EPHA6: variants seen among roughly 807,000 people sequenced by gnomAD.
The protein encoded by EPHA6 is ephrin type-A receptor 6.
A neutral mutation model predicts 112.0 loss-of-function variants in EPHA6; 50 were observed. The observed-to-expected ratio is 0.45, with a 90% CI of 0.36 to 0.56. The LOEUF (loss-of-function observed/expected upper bound fraction) is 0.56, where lower values mean the gene tolerates loss of function less well. EPHA6 is among the 20% of genes least tolerant of loss of function. EPHA6 has a pLI of 0.00. For synonymous variants in EPHA6, 529 were observed against 490.7 expected (o/e 1.08, Z -1.03); for missense variants, 1,280 against 1,417.4 (o/e 0.90, Z 1.56).
intron 2 of EPHA6, among the ~76,000 whole-genome samples, chr3:96,935,738 A>G (rs540076884): frequency 1.4e-4 from 19 of 137,272 alleles, no homozygotes; most frequent in Non-Finnish European, 1.9e-4. Context: ...TATATATATA[A>G]TATATATGCA....
At chr3:97,664,069 A>G in intron 14 of EPHA6, among the ~76,000 whole-genome samples, 1 of 152,038 alleles carries the variant, frequency 6.6e-6, no homozygotes, top group East Asian at 1.9e-4. Context: ...TTTGATTTGC[A>G]TTTCTCTGAT....
intron 2 of EPHA6, among the ~76,000 whole-genome samples, chr3:96,984,564 C>G (rs1425234254): frequency 6.6e-6 from 1 of 152,176 alleles, no homozygotes; most frequent in Non-Finnish European, 1.5e-5. Flanking sequence ...GGGAGAACCA[C>G]TGCTCTCTTC....
chr3:97,695,761 G>A (rs2032993592), intron 14 of EPHA6, among the ~76,000 whole-genome samples: 1 of 152,064 alleles, frequency 6.6e-6, no homozygotes, highest in Admixed American at 6.6e-5. Flanking sequence ...GGATAGTCTC[G>A]ATCTCTTGAC....
chr3:97,444,574 G>T (rs945895840), intron 6 of EPHA6, among the ~76,000 whole-genome samples: 32 of 152,124 alleles, frequency 2.1e-4, no homozygotes, highest in African/African-American at 7.7e-4. Context: ...TTCTAGAGGA[G>T]TAAATCAAAA....
chr3:97,187,743 A>AAGAAAG (rs2077193889), intron 3 of EPHA6, among the ~76,000 whole-genome samples: 2 of 145,576 alleles, frequency 1.4e-5, no homozygotes, highest in African/African-American at 5.1e-5. Context: ...GAAAGAAAGA[A>AAGAAAG]AGAGGAAAGA....
intron 10 of EPHA6, among the ~76,000 whole-genome samples, chr3:97,531,706 G>T (rs1403692723): frequency 6.6e-6 from 1 of 152,002 alleles, no homozygotes; most frequent in Non-Finnish European, 1.5e-5. Context: ...TTCTAGCACT[G>T]GATATAGATA....
At chr3:97,599,736 A>T (rs200205097) in intron 12 of EPHA6, among the ~76,000 whole-genome samples, 3 of 150,812 alleles carry the variant, frequency 2.0e-5, no homozygotes, top group African/African-American at 7.4e-5. Context: ...CTTAGGATTG[A>T]CTTGGTGATG....
At chr3:97,547,587 A>G (rs2092971396) in intron 11 of EPHA6, among the ~76,000 whole-genome samples, 1 of 152,132 alleles carries the variant, frequency 6.6e-6, no homozygotes, top group Admixed American at 6.5e-5. Flanking sequence ...TACTCTCTTC[A>G]AAGCTGTCAG....
intron 17 of EPHA6, 114 bp downstream of exon 17, chr3:97,747,686 C>T (rs1202700913): frequency 1.1e-6 from 1 of 887,464 alleles, no homozygotes; most frequent in Non-Finnish European, 1.5e-6. Flanking sequence ...CAAGTCTTTG[C>T]TCACCATTTC....
chr3:97,243,751 T>C (rs903173208), intron 4 of EPHA6, among the ~76,000 whole-genome samples: 3 of 151,926 alleles, frequency 2.0e-5, no homozygotes, highest in African/African-American at 7.2e-5. Context: ...AAATTTATGA[T>C]ATAGATCTTC....
chr3:97,620,947 T>C (rs1311966225), intron 13 of EPHA6, among the ~76,000 whole-genome samples: 2 of 151,990 alleles, frequency 1.3e-5, no homozygotes, highest in African/African-American at 4.8e-5. Flanking sequence ...CGTTCTATTA[T>C]AAACACACAC....
intron 3 of EPHA6, among the ~76,000 whole-genome samples, chr3:97,207,545 T>C (rs998621849): frequency 8.5e-5 from 13 of 152,166 alleles, no homozygotes; most frequent in African/African-American, 2.9e-4. Flanking sequence ...GTGACTATAA[T>C]ATGTTCCAAT....
chr3:96,878,791 A>G (rs1027912807), intron 2 of EPHA6, among the ~76,000 whole-genome samples: 1 of 152,030 alleles, frequency 6.6e-6, no homozygotes, highest in African/African-American at 2.4e-5. Context: ...TAAGCCTCCA[A>G]TTTTAATTCT....
intron 6 of EPHA6, among the ~76,000 whole-genome samples, chr3:97,441,808 CTT>C (rs200643284): frequency 0.016 from 2,424 of 152,142 alleles, 61 homozygotes; most frequent in African/African-American, 0.053. Flanking sequence ...ACTGACTTCT[CTT>C]GATTAATTCT....
At chr3:97,151,417 A>G (rs2076168248) in intron 3 of EPHA6, among the ~76,000 whole-genome samples, 1 of 152,144 alleles carries the variant, frequency 6.6e-6, no homozygotes, top group Non-Finnish European at 1.5e-5. Flanking sequence ...AGTGCCTTAT[A>G]CATAGTAGGT....
intron 16 of EPHA6, chr3:97,745,548 T>G (rs935447657): frequency 3.3e-6 from 1 of 299,054 alleles, no homozygotes; most frequent in Non-Finnish European, 6.5e-6. Flanking sequence ...TTGACTACAG[T>G]GTAATCAATC....
intron 3 of EPHA6, among the ~76,000 whole-genome samples, chr3:97,147,096 T>C (rs1181564055): frequency 6.6e-6 from 1 of 151,986 alleles, no homozygotes. Flanking sequence ...TTTTCCTCCT[T>C]TACCTAAATT....
chr3:97,578,101 G>C (rs2107266859), intron 11 of EPHA6, among the ~76,000 whole-genome samples: 1 of 152,226 alleles, frequency 6.6e-6, no homozygotes, highest in South Asian at 2.1e-4. Flanking sequence ...AGTTAATTTA[G>C]GGACCAGGAA....
At chr3:96,970,363 A>G (rs2042272246) in intron 2 of EPHA6, among the ~76,000 whole-genome samples, 1 of 152,028 alleles carries the variant, frequency 6.6e-6, no homozygotes, top group Admixed American at 6.6e-5. Context: ...GTGCACTAGC[A>G]TGATGTCCAG....
Sources: gnomAD v4.1 joint callset for allele counts (sites outside exome capture counted in the v4.1 genomes callset) on GRCh38, gnomAD v4.1.1 for gene constraint, MANE v1.5 for transcripts, NCBI Gene and HGNC (gene_info 2026-07-23, HGNC 2026-07-21) for gene names.